CDC42BPB: variants seen among roughly 807,000 people sequenced by gnomAD.
CDC42BPB encodes CDC42 binding protein kinase beta.
A neutral mutation model predicts 214.9 loss-of-function variants in CDC42BPB; 37 were observed. The ratio of observed to expected loss-of-function variants is 0.17; its 90% CI spans 0.13 to 0.23. The LOEUF is 0.23. Among genes scored for constraint, CDC42BPB ranks in the 10% least tolerant of loss-of-function variants. The pLI, the probability that CDC42BPB is intolerant of heterozygous loss-of-function variation, is 1.00. For missense variants in CDC42BPB, 1,694 were observed against 2,227.0 expected (o/e 0.76, Z 4.82); for synonymous variants, 931 against 884.0 (o/e 1.05, Z -0.94).
rs1725489556 is a variant in CDC42BPB at position 103,057,096 on chromosome 14, G to A, written c.78C>T (p.Ser26=). ...DGPWRNESAL[S]VETLLDVLVC... ...CGAGCACGTCGAGCAGCGTTTCCAC[G>A]CTCAGGGCGCTCTCGTTGCGCCAGG... is the stretch of plus-strand genomic sequence containing the variant. Residue 26 remains serine, a synonymous_variant, in exon 1 of 37, where the codon AGC becomes AGT. Transcript: ENST00000361246. 2 of 1,524,754 alleles carry A rather than the reference G, an allele frequency of 1.3e-6. No homozygotes were observed. Among genetic ancestry groups the A allele is most frequent in the South Asian group, 1.2e-5 (1 of 81,944 alleles). 94.5% of individuals were successfully genotyped at this position (1,524,754 alleles called of 1,614,324 possible). A position where few individuals can be genotyped will look rare whatever the true frequency, so the allele number is the denominator to read the frequency against.
chr14:102,952,259 A>T (rs747859984), intron 24 of CDC42BPB, among the ~76,000 whole-genome samples: 7 of 152,224 alleles, frequency 4.6e-5, no homozygotes, highest in Non-Finnish European at 7.3e-5. Context: ...TGAGAGGCTG[A>T]GACAAGGGAA....
At chr14:102,950,418 T>C (rs781223633) in intron 25 of CDC42BPB, 48 bp downstream of exon 25, 1 of 1,606,056 alleles carries the variant, frequency 6.2e-7, no homozygotes, top group Non-Finnish European at 8.5e-7. Context: ...TATTGGTCAC[T>C]GCACCTCACA....
At chr14:102,950,117 C>T (rs959624477) in intron 25 of CDC42BPB, 57 of 985,066 alleles carry the variant, frequency 5.8e-5, no homozygotes, top group African/African-American at 1.7e-4. Flanking sequence ...GCTCAGCCAA[C>T]GCTGTGTCCA....
intron 1 of CDC42BPB, among the ~76,000 whole-genome samples, chr14:103,054,987 G>A (rs1047010215): frequency 1.3e-5 from 2 of 152,266 alleles, no homozygotes; most frequent in Non-Finnish European, 2.9e-5. Context: ...CTAGGTCCCA[G>A]GCCAGAGGCC....
Position 102,997,882 on chromosome 14 carries a change from C to T in CDC42BPB, c.596+1683G>A, listed in dbSNP as rs569826300. Among the ~76,000 whole-genome samples the T allele has an allele frequency of 9.2e-5, 14 of 152,306 alleles. 1 individual carries two copies. The highest frequency in any genetic ancestry group is 2.6e-4 in the African/African-American group (11 of 41,560). On this transcript the variant is annotated intron_variant, in intron 5 of 36. Transcript: ENST00000361246. Reference sequence around the variant, plus strand: ...ACGTGGAGCCGGGCGCGGTGGCTCACGCCTGTAATCCCAGCACTTTGGGAG... The same window carrying T: ...ACGTGGAGCCGGGCGCGGTGGCTCATGCCTGTAATCCCAGCACTTTGGGAG...
chr14:102,934,666 C>T (rs1277350162), intron 36 of CDC42BPB, among the ~76,000 whole-genome samples: 1 of 152,140 alleles, frequency 6.6e-6, no homozygotes, highest in Non-Finnish European at 1.5e-5. Context: ...ACCTCCTCAA[C>T]AAAATAAAAC....
intron 5 of CDC42BPB, among the ~76,000 whole-genome samples, chr14:102,987,060 G>A (rs1894276535): frequency 1.3e-5 from 2 of 152,240 alleles, no homozygotes; most frequent in Admixed American, 6.5e-5. Context: ...GACACGTGTG[G>A]AGGAAGCTGG....
chr14:102,933,429 CCT>C lies in CDC42BPB; in HGVS notation c.*281_*282del. The C allele has an allele frequency of 3.1e-6, 1 of 323,054 alleles. No individual in the cohort carries two copies. Among genetic ancestry groups the C allele is most frequent in the Non-Finnish European group, 5.6e-6 (1 of 178,472 alleles). The allele number at this position is 323,054 out of a possible 1,614,324, so 20.0% of individuals were successfully genotyped here. Reference sequence around the variant, plus strand: ...GTGGTGTTGGCAGGGCCCCATATGCCCTCTCGGGTTGTCAGGGGTGGGAGACA... The same window carrying C: ...GTGGTGTTGGCAGGGCCCCATATGCCCTCGGGTTGTCAGGGGTGGGAGACA... On this transcript the variant is annotated 3_prime_UTR_variant, in exon 37 of 37. Transcript: ENST00000361246.
At chr14:103,014,049 CCA>C (rs1267046106) in intron 1 of CDC42BPB, among the ~76,000 whole-genome samples, 3 of 152,044 alleles carry the variant, frequency 2.0e-5, no homozygotes, top group Admixed American at 2.0e-4. Context: ...GCCTGCGGTC[CCA>C]GTTACTCGCG....
intron 12 of CDC42BPB, chr14:102,972,366 A>C (rs946910897): frequency 1.0e-6 from 1 of 982,386 alleles, no homozygotes; most frequent in African/African-American, 1.7e-5. Flanking sequence ...GCCTGGGCTC[A>C]GGTGCTGAGA....
intron 5 of CDC42BPB, among the ~76,000 whole-genome samples, chr14:102,990,034 T>C (rs1894420866): frequency 6.6e-6 from 1 of 152,156 alleles, no homozygotes; most frequent in Admixed American, 6.5e-5. Context: ...GATCCTGGGT[T>C]GCCAGCGGAG....
At position 102,959,838 on chromosome 14, in the gene CDC42BPB, T is replaced by C. The variant is rs374263616; in HGVS notation, c.2822-128A>G. The stretch of plus-strand genomic sequence containing the variant: ...CTGATACATCTGACATGATCACAAT[T>C]AAAAAAAAAAAAAAAAAAAAAAGGG... On this transcript the variant is annotated intron_variant, in intron 20 of 36. Coordinates refer to ENST00000361246, the MANE Select transcript of CDC42BPB (RefSeq NM_006035.4). The C allele has an allele frequency of 1.8e-5, 13 of 718,872 alleles. No homozygotes were observed. The African/African-American group carries it at 3.8e-4, about 21-fold the overall frequency. 44.5% of individuals were successfully genotyped at this position (718,872 alleles called of 1,614,324 possible).
At chr14:102,977,337 T>TA (rs1893796397) in intron 9 of CDC42BPB, among the ~76,000 whole-genome samples, 1 of 33,542 alleles carries the variant, frequency 3.0e-5, no homozygotes, top group Non-Finnish European at 6.2e-5. Context: ...AGACTCCGTC[T>TA]CCAAAAAAAA....
intron 1 of CDC42BPB, 103 bp downstream of exon 1, chr14:103,056,896 G>A: frequency 1.2e-6 from 1 of 807,026 alleles, no homozygotes; most frequent in Non-Finnish European, 1.8e-6. Context: ...GGGCAGGAGG[G>A]CGGCAGGGTC....
chr14:102,968,404 T>C, intron 15 of CDC42BPB, 46 bp from the exon 16 acceptor site: 1 of 1,611,566 alleles, frequency 6.2e-7, no homozygotes, highest in Non-Finnish European at 8.5e-7. Flanking sequence ...GTAACTTCAC[T>C]GATATTCGTA....
Position 102,943,749 on chromosome 14 carries a change from C to A in CDC42BPB, c.4408+142G>T, listed in dbSNP as rs1363983662. On this transcript the variant is annotated intron_variant, in intron 30 of 36. Coordinates refer to ENST00000361246, the MANE Select transcript of CDC42BPB (RefSeq NM_006035.4). This position sits in a 1 kb window ranked among gnomAD's most constrained non-coding sequence, Gnocchi z 4.6. ...TCTGAACCATGCTCTCTGCTGCGGGCTGGCATGGGGCCCACCTCTCCCGAT... is the reference window on the plus strand; with the variant it reads ...TCTGAACCATGCTCTCTGCTGCGGGATGGCATGGGGCCCACCTCTCCCGAT... 6 of 699,242 alleles carry A rather than the reference C, an allele frequency of 8.6e-6. No homozygotes were observed. The East Asian group carries it at 1.6e-4, about 19-fold the overall frequency. 43.3% of individuals were successfully genotyped at this position (699,242 alleles called of 1,614,324 possible).
In CDC42BPB at chr14:102,981,003, A is replaced by C; in HGVS notation, c.910T>G (p.Ser304Ala). 6.2e-7 allele frequency: 1 copy of C among 1,614,144 alleles called. No individual in the cohort carries two copies. Among genetic ancestry groups the C allele is most frequent in the East Asian group, 2.2e-5 (1 of 44,892 alleles). The change falls in exon 8 of 37, where the codon TCC (serine) becomes GCC (alanine). Residue 304 changes from serine (S) to alanine (A), a missense_variant. Around this residue, in one of 7 missense-constraint regions of CDC42BPB, gnomAD observed 225 missense variants for 459.3 expected, o/e 0.49. Coordinates refer to ENST00000361246, the MANE Select transcript of CDC42BPB (RefSeq NM_006035.4). ...TCTTCAGATACATCCGTGACATGGG[A>C]TGGGAACTGGAATCGCTCCTGCAAG... ...MNHEERFQFPSHVTDVSEEAK... is the reference protein window; with the variant it reads ...MNHEERFQFPAHVTDVSEEAK...
At position 103,003,086 on chromosome 14, in the gene CDC42BPB, G is replaced by T. The variant is rs925605596; in HGVS notation, c.447+842C>A. 7.2e-5 allele frequency among the ~76,000 whole-genome samples: 11 copies of T among 152,124 alleles called. No homozygotes were observed. In the East Asian group the frequency reaches 1.9e-3, roughly 27 times the overall value. On this transcript the variant is annotated intron_variant, in intron 4 of 36. Transcript: ENST00000361246. ...AGGAAGCCTCGGGTCCCTGCTCTGA[G>T]GCTTGGTGACCACAGCGACCACGCC...
At chr14:103,013,668 G>A (rs1886286252) in intron 1 of CDC42BPB, among the ~76,000 whole-genome samples, 4 of 152,364 alleles carry the variant, frequency 2.6e-5, no homozygotes, top group Middle Eastern at 3.4e-3. Context: ...AAGTGGGGAT[G>A]GAGGCAGAGG....
Sources: gnomAD v4.1 joint callset for allele counts (sites outside exome capture counted in the v4.1 genomes callset) on GRCh38, gnomAD v4.1.1 for gene constraint, gnomAD v4.1.1 regional missense constraint, Gnocchi (gnomAD v3.1) non-coding constraint, MANE v1.5 for transcripts, NCBI Gene and HGNC (gene_info 2026-07-23, HGNC 2026-07-21) for gene names.